NBPF12: variants seen among roughly 807,000 people sequenced by gnomAD.
NBPF12 encodes NBPF family member NBPF12.
A neutral mutation model predicts 146.4 loss-of-function variants in NBPF12; 115 were observed. That is an observed-to-expected ratio of 0.79 (90% CI 0.68 to 0.92). The LOEUF (loss-of-function observed/expected upper bound fraction) is 0.92. NBPF12 is among the 40% of genes least tolerant of loss of function. The pLI is 0.00. For missense variants in NBPF12, 1,205 were observed against 1,326.8 expected, an observed-to-expected ratio of 0.91 and a Z score of 1.43; for synonymous variants, 385 against 508.9, an observed-to-expected ratio of 0.76 and a Z score of 3.28.
chr1:146,965,690 G>A (rs1656146459), intron 8 of NBPF12, among the ~76,000 whole-genome samples: 1 of 148,582 alleles, frequency 6.7e-6, no homozygotes, highest in Non-Finnish European at 1.5e-5. Context: ...TACTCAGGAG[G>A]CTGAGGCAGG....
chr1:146,995,648 A>C (rs1345853455), exon 34 of NBPF12: 3 of 150,044 alleles, frequency 2.0e-5, no homozygotes, highest in Admixed American at 1.3e-4. Flanking sequence ...GATTAAATTC[A>C]GCCTAAACTT....
At position 146,959,937 on chromosome 1, in the gene NBPF12, C is replaced by T. The variant is rs1288753305; in HGVS notation, c.-105C>T. ...CAGTGCTTTCAGCTCTGAGTTGAGG[C>T]ACCTCGAACCTTGTTTTTGTGGTGA... On this transcript the variant is annotated 5_prime_UTR_variant, in exon 3 of 34. Coordinates refer to ENST00000617844, the Ensembl canonical transcript of NBPF12. 2.0e-4 allele frequency: 54 copies of T among 268,628 alleles called. No homozygotes were observed. The African/African-American group carries it at 5.3e-3, about 26-fold the overall frequency. 16.6% of individuals were successfully genotyped at this position (268,628 alleles called of 1,614,324 possible).
intron 2 of NBPF12, 96 bp downstream of exon 2, chr1:146,943,658 A>C: frequency 5.7e-6 from 4 of 696,930 alleles, no homozygotes; most frequent in Non-Finnish European, 7.7e-6. Flanking sequence ...GGCCCTAAAC[A>C]TCACAGGGCC....
intron 4 of NBPF12, among the ~76,000 whole-genome samples, chr1:146,960,795 C>T (rs1347290997): frequency 2.0e-5 from 3 of 151,986 alleles, no homozygotes; most frequent in Non-Finnish European, 4.4e-5. Flanking sequence ...CTCTGAGGGG[C>T]TTCAAGAGGA....
intron 19 of NBPF12, among the ~76,000 whole-genome samples, chr1:146,981,612 T>C (rs1221931303): frequency 2.6e-5 from 4 of 151,934 alleles, no homozygotes; most frequent in South Asian, 2.1e-4. Context: ...CCTTGTTAGG[T>C]TGGGGAAGTC....
chr1:146,961,514 A>C (rs1655848085), intron 4 of NBPF12, among the ~76,000 whole-genome samples: 1 of 152,188 alleles, frequency 6.6e-6, no homozygotes, highest in Non-Finnish European at 1.5e-5. Context: ...TGATGTTTCT[A>C]AATTAACACA....
At chr1:146,976,633 TG>T (rs1400436580) in intron 16 of NBPF12, among the ~76,000 whole-genome samples, 1 of 150,812 alleles carries the variant, frequency 6.6e-6, no homozygotes, top group African/African-American at 2.5e-5. Context: ...TCTGGCAGGA[TG>T]GGGGAGACAG....
chr1:146,971,337 GT>G lies in NBPF12; in HGVS notation c.1536del (p.Val513Ter), dbSNP rs1656597606. On this transcript the variant is annotated frameshift_variant, in exon 13 of 34. Transcript: ENST00000617844. LOFTEE classifies it high-confidence loss of function. ...GGAAGACAAAGTCAACTCATCTCTG[GT>G]TGTAGACAGAGAATCCTCTCATGAT... 6 of 1,611,726 alleles carry G rather than the reference GT, an allele frequency of 3.7e-6. No homozygotes were observed. The highest frequency in any genetic ancestry group is 4.2e-6 in the Non-Finnish European group (5 of 1,179,536).
At chr1:146,966,714 C>G in intron 9 of NBPF12, 41 bp downstream of exon 12, 3 of 1,087,902 alleles carry the variant, frequency 2.8e-6, no homozygotes, top group Non-Finnish European at 4.3e-6. Flanking sequence ...TGATGAACAA[C>G]GTCCTGTCTT....
chr1:146,970,527 G>A (rs1274048341), intron 11 of NBPF12, 120 bp from the exon 15 acceptor site: 3 of 1,328,050 alleles, frequency 2.3e-6, no homozygotes, highest in Non-Finnish European at 3.2e-6. Context: ...GATAAAACAT[G>A]AGAGTTTTCA....
At chr1:146,971,295 A>G (rs1656595209) in exon 13 of NBPF12, 1 of 1,612,238 alleles carries the variant, frequency 6.2e-7, no homozygotes, top group Admixed American at 1.7e-5. Flanking sequence ...TCACAAGAAC[A>G]TCAAAATCAC....
At chr1:146,944,267 C>T (rs1654923594) in intron 2 of NBPF12, among the ~76,000 whole-genome samples, 1 of 133,914 alleles carries the variant, frequency 7.5e-6, no homozygotes, top group Non-Finnish European at 1.6e-5. Context: ...CTAGAGGCCC[C>T]ATAATGAGTA....
At chr1:146,992,248 C>T (rs1321708760) in intron 31 of NBPF12, among the ~76,000 whole-genome samples, 14,251 of 122,736 alleles carry the variant, frequency 0.12, 1,323 homozygotes, top group Admixed American at 0.21. Flanking sequence ...TAACCTACTG[C>T]AGGTGGACCA....
upstream of NBPF12, among the ~76,000 whole-genome samples, chr1:146,948,423 G>A (rs1553883564): frequency 0.11 from 16,978 of 151,396 alleles, 1,092 homozygotes; most frequent in East Asian, 0.22. Flanking sequence ...GCCTTGAGAC[G>A]CTGTTAATCT....
At chr1:146,944,848 C>G (rs1482735012), upstream of NBPF12, among the ~76,000 whole-genome samples, 1 of 149,266 alleles carries the variant, frequency 6.7e-6, no homozygotes, top group South Asian at 2.1e-4. Flanking sequence ...CTCTCTTTCT[C>G]TCTCTCATTC....
intron 8 of NBPF12, among the ~76,000 whole-genome samples, 186 bp from the exon 12 acceptor site, chr1:146,966,278 G>C (rs1372715092): frequency 1.3e-5 from 2 of 151,928 alleles, no homozygotes; most frequent in Non-Finnish European, 2.9e-5. Context: ...TGCTTTAAAG[G>C]TGACTGCATA....
intron 4 of NBPF12, among the ~76,000 whole-genome samples, chr1:146,961,548 A>C (rs1655850533): frequency 1.3e-5 from 2 of 152,278 alleles, no homozygotes; most frequent in East Asian, 3.8e-4. Context: ...CTGTTTCTAA[A>C]TTAACACAAC....
intron 2 of NBPF12, among the ~76,000 whole-genome samples, chr1:146,954,917 GTGTGTA>G (rs1466570853): frequency 8.1e-5 from 10 of 124,148 alleles, no homozygotes; most frequent in African/African-American, 2.8e-4. Context: ...GTGTGTGTGT[GTGTGTA>G]TATATATATA....
intron 21 of NBPF12, 55 bp from the exon 25 acceptor site, chr1:146,984,758 C>A (rs1405083145): frequency 1.2e-5 from 10 of 819,432 alleles, no homozygotes; most frequent in Middle Eastern, 3.4e-4. Context: ...CTAGCTGGGG[C>A]TGTGTGGTTT....
Sources: gnomAD v4.1 joint callset for allele counts (sites outside exome capture counted in the v4.1 genomes callset) on GRCh38, gnomAD v4.1.1 for gene constraint, MANE v1.5 for transcripts, NCBI Gene and HGNC (gene_info 2026-07-23, HGNC 2026-07-21) for gene names.